AKR1C2: variants seen among roughly 807,000 people sequenced by gnomAD.
AKR1C2 encodes 3-alpha-HSD3.
A neutral mutation model predicts 39.8 loss-of-function variants in AKR1C2; 27 were observed. The ratio of observed to expected loss-of-function variants is 0.68; its 90% CI spans 0.50 to 0.93. AKR1C2 has a LOEUF of 0.93. AKR1C2 is among the 40% of genes least tolerant of loss of function. AKR1C2 has a pLI of 0.00. For synonymous variants in AKR1C2, 114 were observed against 137.9 expected (o/e 0.83, Z 1.22); for missense variants, 263 against 365.1 (o/e 0.72, Z 2.28).
rs1489268294 is a variant in AKR1C2 at position 4,990,045 on chromosome 10, A to G, written c.930-7T>C. 2 of 1,595,392 alleles carry G rather than the reference A, an allele frequency of 1.3e-6. No homozygotes were observed. Among genetic ancestry groups the G allele is most frequent in the African/African-American group, 1.4e-5 (1 of 73,376 alleles). On this transcript the variant is annotated splice_region_variant and splice_polypyrimidine_tract_variant and intron_variant, in intron 8 of 8. Transcript: ENST00000380753. ...ATTAGGGGGGCCAGCAAAACTGGAA[A>G]GAGAAAAAAAAATGCACACTCTGAA... is the stretch of plus-strand genomic sequence containing the variant.
chr10:5,004,968 C>T (rs1837368669), upstream of AKR1C2: 1 of 146,936 alleles, frequency 6.8e-6, no homozygotes, highest in Non-Finnish European at 1.5e-5. Flanking sequence ...CTAAGATTCC[C>T]ATATAACTCA....
rs148140147 is a variant in AKR1C2 at position 4,990,351 on chromosome 10, C to T, written c.930-313G>A. ...ATCTGTCAACAAAGAGATATTCTGACCTTTTCTATTTCAAATTCTCACTAA... is the reference window on the plus strand; with the variant it reads ...ATCTGTCAACAAAGAGATATTCTGATCTTTTCTATTTCAAATTCTCACTAA... On this transcript the variant is annotated intron_variant, in intron 8 of 8. Transcript: ENST00000380753. 3.0e-3 allele frequency among the ~76,000 whole-genome samples: 451 copies of T among 152,286 alleles called. 4 individuals carry two copies. Among genetic ancestry groups the T allele is most frequent in the Middle Eastern group, 6.8e-3 (2 of 292 alleles).
chr10:5,000,095 T>C (rs2131698352), intron 3 of AKR1C2: 2 of 1,145,164 alleles, frequency 1.7e-6, no homozygotes, highest in East Asian at 9.8e-5. Context: ...AGGTTTCCCA[T>C]GAAGGTTTGT....
At position 4,998,705 on chromosome 10, in the gene AKR1C2, C is replaced by G. The variant is rs372922075; in HGVS notation, c.490G>C (p.Gly164Arg). The G allele has an allele frequency of 2.5e-6, 4 of 1,614,118 alleles. No individual in the cohort carries two copies. The highest frequency in any genetic ancestry group is 2.7e-5 in the African/African-American group (2 of 75,022). The stretch of plus-strand genomic sequence containing the variant: ...AGCCTGTGGTTGAAGTTGGACACCC[C>G]GATGGACTTGGCCAATCCTGCATCT... ...CKDAGLAKSI[G>R]VSNFNHRLLE... Residue 164 changes from glycine (G) to arginine (R), a missense_variant, in exon 5 of 9, where the codon GGG becomes CGG. Gly to Arg is a moderately radical substitution (Grantham distance 125). Around this residue, in one of 3 missense-constraint regions of AKR1C2, gnomAD observed 247 missense variants for 267.9 expected, o/e 0.92. Transcript: ENST00000380753.
chr10:5,001,850 A>C (rs1837284908), intron 1 of AKR1C2, among the ~76,000 whole-genome samples, 169 bp from the exon 2 acceptor site: 1 of 152,194 alleles, frequency 6.6e-6, no homozygotes, highest in African/African-American at 2.4e-5. Flanking sequence ...ATTTAGTAAT[A>C]AAGGTTGGGC....
Position 4,998,617 on chromosome 10 carries a change from G to A in AKR1C2, c.570+8C>T, listed in dbSNP as rs782094099. 1.7e-5 allele frequency: 27 copies of A among 1,613,858 alleles called. No homozygotes were observed. The highest frequency in any genetic ancestry group is 1.7e-5 in the Non-Finnish European group (20 of 1,179,954). On this transcript the variant is annotated splice_region_variant and intron_variant, in intron 5 of 8. Transcript: ENST00000380753. ...GAACAGAAAGGAGAGGAGGCTGAGG[G>A]CGCTCACCTGGTTGCAGACAGGCTT...
chr10:5,007,962 A>G (rs1554774574), upstream of AKR1C2, among the ~76,000 whole-genome samples: 1 of 150,626 alleles, frequency 6.6e-6, no homozygotes, highest in Non-Finnish European at 1.5e-5. Flanking sequence ...CCTTGACTCT[A>G]TATTCTTCAT....
intron 1 of AKR1C2, chr10:5,010,357 C>T (rs1163931567): frequency 6.6e-6 from 1 of 152,078 alleles, no homozygotes; most frequent in Non-Finnish European, 1.5e-5. Flanking sequence ...TCTGTTAGCA[C>T]CATGTGAAGA....
At chr10:5,015,156 T>A (rs1172935743) in intron 1 of AKR1C2, 1 of 152,256 alleles carries the variant, frequency 6.6e-6, no homozygotes, top group Non-Finnish European at 1.5e-5. Flanking sequence ...TGTGTACTAG[T>A]TCCTTTGGTT....
intron 3 of AKR1C2, chr10:5,000,245 G>T: frequency 6.9e-7 from 1 of 1,449,080 alleles, no homozygotes; most frequent in African/African-American, 1.4e-5. Flanking sequence ...ATCCCAAGAG[G>T]TGAAATCAGG....
At chr10:5,016,988 G>A (rs1554775402) in intron 1 of AKR1C2, among the ~76,000 whole-genome samples, 2 of 152,184 alleles carry the variant, frequency 1.3e-5, no homozygotes. Context: ...CCATGGCTGG[G>A]GCTGAAGTGG....
chr10:5,005,947 A>T (rs1326569784), upstream of AKR1C2: 1 of 152,258 alleles, frequency 6.6e-6, no homozygotes, highest in African/African-American at 2.4e-5. Context: ...GAGCTAAAAA[A>T]TATACCTGAA....
chr10:5,005,127 TGAGGA>T (rs1163493658), upstream of AKR1C2, among the ~76,000 whole-genome samples: 1 of 152,078 alleles, frequency 6.6e-6, no homozygotes, highest in African/African-American at 2.4e-5. Context: ...TCTAAGCTAT[TGAGGA>T]GAAACTGGGA....
rs2854490 is a variant in AKR1C2, at chr10:4,998,480, A to C, written c.570+145T>G. On this transcript the variant is annotated intron_variant, in intron 5 of 8. Transcript: ENST00000380753. The stretch of plus-strand genomic sequence containing the variant: ...TTCTAAGCAGGGTACAAGTAAGAGG[A>C]CTCCATGCCCTTCTAGGAAGAGGCT... The C allele has an allele frequency of 0.3, 433,318 of 1,448,892 alleles. 70,129 individuals are homozygous for C. The highest frequency in any genetic ancestry group is 0.62 in the East Asian group (27,064 of 43,412). The allele number at this position is 1,448,892 out of a possible 1,614,324, so 89.8% of individuals were successfully genotyped here.
chr10:5,000,550 C>G lies in AKR1C2; in HGVS notation c.369G>C (p.Lys123Asn), dbSNP rs1564331661. ...LYLIHFPVSV[K>N]PGEEVIPKDE... The stretch of plus-strand genomic sequence containing the variant: ...TAATTTGATCACACAAGCTGCCTAC[C>G]TTTACAGACACTGGAAAATGAATAA... The change falls in exon 3 of 9, where the codon AAG becomes AAC. Residue 123 changes from lysine to asparagine, a missense_variant and splice_region_variant. Lys to Asn is a moderately conservative substitution (Grantham distance 94). Transcript: ENST00000380753. The G allele has an allele frequency of 6.2e-7, 1 of 1,613,834 alleles. No homozygotes were observed. The highest frequency in any genetic ancestry group is 8.5e-7 in the Non-Finnish European group (1 of 1,179,796).
At chr10:5,015,158 C>G (rs1452553516) in intron 1 of AKR1C2, 1 of 152,228 alleles carries the variant, frequency 6.6e-6, no homozygotes, top group African/African-American at 2.4e-5. Flanking sequence ...TGTACTAGTT[C>G]CTTTGGTTGC....
At chr10:5,004,212 G>T (rs1455569144), upstream of AKR1C2, among the ~76,000 whole-genome samples, 1 of 152,222 alleles carries the variant, frequency 6.6e-6, no homozygotes, top group Non-Finnish European at 1.5e-5. Context: ...ATGATGATGA[G>T]TTCCTTCTGC....
At position 4,996,052 on chromosome 10, in the gene AKR1C2, T is replaced by A. The variant is rs1202409360; in HGVS notation, c.571-187A>T. 10 of 738,404 alleles carry A rather than the reference T, an allele frequency of 1.4e-5. No homozygotes were observed. In the African/African-American group the frequency reaches 1.8e-4, roughly 13 times the overall value. The allele number at this position is 738,404 out of a possible 1,614,324, so 45.7% of individuals were successfully genotyped here. ...CTCTCCTAAGAAAATAGAAATGCTATTTCTGAGCACAAGCAACTCCATGAA... is the reference window on the plus strand; with the variant it reads ...CTCTCCTAAGAAAATAGAAATGCTAATTCTGAGCACAAGCAACTCCATGAA... On this transcript the variant is annotated intron_variant, in intron 5 of 8. Transcript: ENST00000380753.
In AKR1C2 at chr10:5,001,689, A is replaced by G. The variant is rs1246957234; in HGVS notation, c.85-8T>C. 12 of 1,613,308 alleles carry G rather than the reference A, an allele frequency of 7.4e-6. No individual in the cohort carries two copies. Among genetic ancestry groups the G allele is most frequent in the Non-Finnish European group, 1.0e-5 (12 of 1,179,658 alleles). ...AGCTTTACTTTTAGGAACCTGGGGGAGCAACCAAACGTAATATTTTCTGAC... is the reference window on the plus strand; with the variant it reads ...AGCTTTACTTTTAGGAACCTGGGGGGGCAACCAAACGTAATATTTTCTGAC... On this transcript the variant is annotated splice_region_variant and splice_polypyrimidine_tract_variant and intron_variant, in intron 1 of 8. Transcript: ENST00000380753.
Sources: gnomAD v4.1 joint callset for allele counts (sites outside exome capture counted in the v4.1 genomes callset) on GRCh38, gnomAD v4.1.1 for gene constraint, gnomAD v4.1.1 regional missense constraint, MANE v1.5 for transcripts, NCBI Gene and HGNC (gene_info 2026-07-23, HGNC 2026-07-21) for gene names.